Variants in SCAPER observed in about 807,000 individuals in gnomAD.
SCAPER encodes the protein S-phase cyclin A associated protein in the ER, also known as S phase cyclin A-associated protein in the endoplasmic reticulum.
Under a neutral mutation model 182.2 loss-of-function variants are expected in SCAPER, and 98 were observed. The ratio of observed to expected loss-of-function variants is 0.54; its 90% CI spans 0.46 to 0.64. SCAPER has a LOEUF of 0.64. Ranked by LOEUF, SCAPER falls within the 30% of genes least tolerant of loss-of-function variation. SCAPER has a pLI of 0.00. For synonymous variants in SCAPER, 605 were observed against 564.6 expected (o/e 1.07, Z -1.01); for missense variants, 1,432 against 1,690.0 (o/e 0.85, Z 2.68).
At chr15:76,577,945 C>T (rs1009727726) in intron 22 of SCAPER, among the ~76,000 whole-genome samples, 10 of 152,046 alleles carry the variant, frequency 6.6e-5, no homozygotes, top group Non-Finnish European at 1.0e-4. Context: ...GGTATTTCTG[C>T]ACCTGAACTG....
intron 25 of SCAPER, among the ~76,000 whole-genome samples, chr15:76,447,043 C>T (rs4886805): frequency 0.29 from 43,359 of 152,040 alleles, 7,227 homozygotes; most frequent in East Asian, 0.58. Flanking sequence ...GTGGACTACG[C>T]TAAGCCATGA....
intron 23 of SCAPER, among the ~76,000 whole-genome samples, chr15:76,538,139 A>C (rs1208291951): frequency 6.8e-6 from 1 of 146,642 alleles, no homozygotes; most frequent in Non-Finnish European, 1.5e-5. Flanking sequence ...TAGTTCAACC[A>C]TTGTGGAAGT....
At chr15:76,850,694 CTACAAAAA>C (rs1332231572) in intron 4 of SCAPER, among the ~76,000 whole-genome samples, 1 of 151,776 alleles carries the variant, frequency 6.6e-6, no homozygotes, top group Non-Finnish European at 1.5e-5. Flanking sequence ...AACACCATCT[CTACAAAAA>C]TACAAAAATC....
rs1447677869 is a variant in SCAPER at position 76,728,678 on chromosome 15, CTTCA to C, written c.2078_2081del (p.Met693ArgfsTer78). On this transcript the variant is annotated frameshift_variant, in exon 17 of 32. Transcript: ENST00000563290. LOFTEE classifies it high-confidence loss of function. ...CAATTCGGGCTTCTTGTTCTTTCCT[CTTCA>C]TTAACAATTCTTCTACACGGGCCTG... The C allele has an allele frequency of 6.2e-7, 1 of 1,613,570 alleles. No homozygotes were observed. The highest frequency in any genetic ancestry group is 1.7e-5 in the Admixed American group (1 of 59,926).
intron 5 of SCAPER, among the ~76,000 whole-genome samples, chr15:76,819,772 CA>C (rs1312878138): frequency 2.6e-5 from 4 of 152,118 alleles, no homozygotes; most frequent in Admixed American, 2.6e-4. Context: ...GGCTTTTGCA[CA>C]GCAAAAGAAA....
intron 3 of SCAPER, among the ~76,000 whole-genome samples, chr15:76,860,856 T>C (rs2071806856): frequency 6.6e-6 from 1 of 152,078 alleles, no homozygotes; most frequent in Non-Finnish European, 1.5e-5. Flanking sequence ...ACATCTTGTG[T>C]AAAGATGTTC....
At chr15:76,461,331 T>A (rs1030512880) in intron 25 of SCAPER, among the ~76,000 whole-genome samples, 14 of 70,328 alleles carry the variant, frequency 2.0e-4, no homozygotes, top group African/African-American at 5.4e-4. Flanking sequence ...ATTACCCAAC[T>A]TTTTTTTTTT....
chr15:76,573,263 T>C (rs926185126), intron 23 of SCAPER, among the ~76,000 whole-genome samples: 1 of 152,172 alleles, frequency 6.6e-6, no homozygotes, highest in African/African-American at 2.4e-5. Flanking sequence ...AGGATCATAT[T>C]GGGAAACACA....
intron 8 of SCAPER, among the ~76,000 whole-genome samples, chr15:76,786,514 A>G (rs192273144): frequency 1.3e-5 from 2 of 152,234 alleles, no homozygotes; most frequent in Admixed American, 1.3e-4. Context: ...GAACATCCAT[A>G]AAAATACCTA....
At chr15:76,598,081 CA>C (rs2049637808) in intron 22 of SCAPER, among the ~76,000 whole-genome samples, 1 of 117,166 alleles carries the variant, frequency 8.5e-6, no homozygotes, top group Non-Finnish European at 2.1e-5. Context: ...CCAGAATCTA[CA>C]AGGAACTTAA....
intron 20 of SCAPER, among the ~76,000 whole-genome samples, chr15:76,677,649 A>G (rs1356839156): frequency 6.6e-6 from 1 of 151,510 alleles, no homozygotes; most frequent in Non-Finnish European, 1.5e-5. Context: ...ATAATAATGT[A>G]CATAAAGAAA....
intron 23 of SCAPER, among the ~76,000 whole-genome samples, chr15:76,527,990 T>C (rs2043334759): frequency 6.6e-6 from 1 of 152,198 alleles, no homozygotes; most frequent in African/African-American, 2.4e-5. Context: ...CAGTCTAACA[T>C]TTATCTTTGT....
Position 76,851,074 on chromosome 15 carries a change from C to T in SCAPER, c.195+6735G>A, listed in dbSNP as rs185883223. ...TTCACAACACAATCACAAGTATTAA[C>T]AGAATAGACCAAGCTGAGGAAAGAA... is the stretch of plus-strand genomic sequence containing the variant. On this transcript the variant is annotated intron_variant, in intron 4 of 31. Coordinates refer to ENST00000563290, the MANE Select transcript of SCAPER (RefSeq NM_020843.4). Among the ~76,000 whole-genome samples, 346 of 151,946 alleles carry T rather than the reference C, an allele frequency of 2.3e-3. 1 individual carries two copies. Among genetic ancestry groups the T allele is most frequent in the African/African-American group, 8.0e-3 (332 of 41,454 alleles).
rs2060151893 is a variant in SCAPER at position 76,720,373 on chromosome 15, G to C, written c.2165+8222C>G. On this transcript the variant is annotated intron_variant, in intron 17 of 31. Transcript: ENST00000563290. ...TTCCAAGTCTTTGCTATTGTGGATAGTGCCACAATAAACATACATGTGAAT... is the reference window on the plus strand; with the variant it reads ...TTCCAAGTCTTTGCTATTGTGGATACTGCCACAATAAACATACATGTGAAT... Among the ~76,000 whole-genome samples, 3 of 152,108 alleles carry C rather than the reference G, an allele frequency of 2.0e-5. No individual in the cohort carries two copies. The South Asian group carries it at 6.2e-4, about 32-fold the overall frequency.
At chr15:76,714,936 T>A (rs1276829268) in intron 17 of SCAPER, among the ~76,000 whole-genome samples, 1 of 151,904 alleles carries the variant, frequency 6.6e-6, no homozygotes, top group East Asian at 1.9e-4. Flanking sequence ...TTTATAGAAT[T>A]ATTTCCATAT....
At chr15:76,799,741 C>T (rs1169503653) in intron 7 of SCAPER, among the ~76,000 whole-genome samples, 6 of 152,136 alleles carry the variant, frequency 3.9e-5, no homozygotes, top group Non-Finnish European at 5.9e-5. Flanking sequence ...ATGCCTGCAA[C>T]GCTTGCACTC....
intron 25 of SCAPER, among the ~76,000 whole-genome samples, chr15:76,448,880 T>C (rs1185819037): frequency 6.6e-6 from 1 of 152,102 alleles, no homozygotes; most frequent in Admixed American, 6.5e-5. Flanking sequence ...AGAGGTTTGG[T>C]TGTGACAGGA....
intron 24 of SCAPER, among the ~76,000 whole-genome samples, chr15:76,485,973 C>T (rs1431031130): frequency 1.3e-5 from 2 of 152,042 alleles, no homozygotes; most frequent in African/African-American, 4.8e-5. Flanking sequence ...TTTGGGAGGC[C>T]GAGGTGGGCA....
At chr15:76,626,648 C>T (rs562468540) in intron 21 of SCAPER, among the ~76,000 whole-genome samples, 54 of 152,232 alleles carry the variant, frequency 3.5e-4, no homozygotes, top group African/African-American at 1.3e-3. Flanking sequence ...ACCTGGGAGG[C>T]GGAGGTTGCA....
Sources: gnomAD v4.1 joint callset for allele counts (sites outside exome capture counted in the v4.1 genomes callset) on GRCh38, gnomAD v4.1.1 for gene constraint, MANE v1.5 for transcripts, NCBI Gene and HGNC (gene_info 2026-07-23, HGNC 2026-07-21) for gene names.